RBFOX1: variants seen among roughly 807,000 people sequenced by gnomAD.
RBFOX1 encodes RNA binding fox-1 homolog 1.
RBFOX1 carries 8 observed loss-of-function variants against 57.7 expected under a neutral mutation model. The ratio of observed to expected loss-of-function variants is 0.14; its 90% CI spans 0.08 to 0.25. The LOEUF (loss-of-function observed/expected upper bound fraction) is 0.25, where lower values mean the gene tolerates loss of function less well. Ranked by LOEUF, RBFOX1 falls within the 10% of genes least tolerant of loss-of-function variation. The pLI, the probability that RBFOX1 is intolerant of heterozygous loss-of-function variation, is 1.00. For synonymous variants in RBFOX1, 326 were observed against 222.4 expected, an observed-to-expected ratio of 1.47 and a Z score of -4.15; for missense variants, 611 against 548.5, an observed-to-expected ratio of 1.11 and a Z score of -1.14.
At chr16:6,653,518 A>C (rs1432381686) in intron 2 of RBFOX1, among the ~76,000 whole-genome samples, 1 of 152,148 alleles carries the variant, frequency 6.6e-6, no homozygotes, top group Non-Finnish European at 1.5e-5. Context: ...GAGGGTAGGA[A>C]TTATGTTTGT....
At chr16:6,908,603 G>C (rs144987558) in intron 3 of RBFOX1, among the ~76,000 whole-genome samples, 1 of 152,266 alleles carries the variant, frequency 6.6e-6, no homozygotes, top group African/African-American at 2.4e-5. Context: ...CTGAACCCCC[G>C]TGATTTAGGT....
chr16:7,538,510 G>T (rs1048940660), intron 5 of RBFOX1, among the ~76,000 whole-genome samples: 1 of 152,116 alleles, frequency 6.6e-6, no homozygotes, highest in African/African-American at 2.4e-5. Flanking sequence ...AGTGCTTACT[G>T]TGTAACTGGC....
intron 5 of RBFOX1, among the ~76,000 whole-genome samples, chr16:7,548,984 C>T (rs1470414849): frequency 2.6e-5 from 4 of 152,106 alleles, no homozygotes; most frequent in African/African-American, 4.8e-5. Context: ...TCCAGGGATC[C>T]GAAGAAACAC....
At chr16:6,314,194 G>C (rs1344059861) in intron 1 of RBFOX1, among the ~76,000 whole-genome samples, 1 of 152,186 alleles carries the variant, frequency 6.6e-6, no homozygotes. Flanking sequence ...TCTTGGTGCT[G>C]TAACCCTCTG....
At chr16:7,501,985 G>C (rs1001680462) in intron 4 of RBFOX1, among the ~76,000 whole-genome samples, 2 of 152,144 alleles carry the variant, frequency 1.3e-5, no homozygotes, top group African/African-American at 4.8e-5. Context: ...TGAAACAATT[G>C]CGTGAGTATC....
At chr16:6,402,981 C>A (rs1304645587) in intron 2 of RBFOX1, among the ~76,000 whole-genome samples, 1 of 152,116 alleles carries the variant, frequency 6.6e-6, no homozygotes, top group Non-Finnish European at 1.5e-5. Flanking sequence ...CAACCCTTGG[C>A]TTCTCAGTTT....
chr16:7,549,846 G>C (rs527995642), intron 5 of RBFOX1, among the ~76,000 whole-genome samples: 1 of 152,184 alleles, frequency 6.6e-6, no homozygotes, highest in Admixed American at 6.5e-5. Flanking sequence ...ACACCCTCAC[G>C]GACACACGCA....
chr16:6,741,903 T>C (rs562703263), intron 3 of RBFOX1, among the ~76,000 whole-genome samples: 2 of 152,280 alleles, frequency 1.3e-5, no homozygotes, highest in East Asian at 1.9e-4. Flanking sequence ...ATAAGCTCAA[T>C]AGATCAATTG....
chr16:7,015,148 T>C (rs1010583109), intron 3 of RBFOX1, among the ~76,000 whole-genome samples: 1 of 152,200 alleles, frequency 6.6e-6, no homozygotes, highest in Non-Finnish European at 1.5e-5. Flanking sequence ...CTTTTTCCTT[T>C]CTTCTTAGTC....
In RBFOX1 at chr16:7,349,616, C is replaced by T. The variant is rs569789736; in HGVS notation, c.28-168531C>T. Reference sequence around the variant, plus strand: ...ACCCTCAGAATCAAAATGAGGATGGCGACATACCACATCCGCTTGAGAGGC... The same window carrying T: ...ACCCTCAGAATCAAAATGAGGATGGTGACATACCACATCCGCTTGAGAGGC... On this transcript the variant is annotated intron_variant, in intron 4 of 15. Transcript: ENST00000550418. 6.9e-4 allele frequency among the ~76,000 whole-genome samples: 105 copies of T among 152,072 alleles called. 2 individuals carry two copies. The highest frequency in any genetic ancestry group is 5.6e-3 in the Admixed American group (85 of 15,272).
chr16:7,145,331 A>T (rs932350328), intron 4 of RBFOX1, among the ~76,000 whole-genome samples: 2 of 152,094 alleles, frequency 1.3e-5, no homozygotes, highest in Admixed American at 1.3e-4. Context: ...TAGCCTCCCG[A>T]TTAGCTGGGA....
At chr16:5,860,745 A>G (rs1008814604) in intron 3 of RBFOX1, among the ~76,000 whole-genome samples, 2 of 152,276 alleles carry the variant, frequency 1.3e-5, no homozygotes, top group Admixed American at 6.5e-5. Context: ...GAGAGAGAAG[A>G]ATGAGTCATG....
chr16:5,908,344 G>A (rs1423652758), intron 4 of RBFOX1, among the ~76,000 whole-genome samples: 3 of 80,980 alleles, frequency 3.7e-5, no homozygotes, highest in African/African-American at 1.0e-4. Context: ...GTGTGTGTGT[G>A]TGTGTGTGTC....
chr16:7,231,635 C>T (rs1015680952), intron 4 of RBFOX1, among the ~76,000 whole-genome samples: 4 of 152,082 alleles, frequency 2.6e-5, no homozygotes, highest in Non-Finnish European at 5.9e-5. Flanking sequence ...GCAAAGACAA[C>T]CCAAATGCCT....
intron 4 of RBFOX1, among the ~76,000 whole-genome samples, chr16:7,377,709 T>A (rs1475679140): frequency 6.6e-6 from 1 of 152,200 alleles, no homozygotes; most frequent in Non-Finnish European, 1.5e-5. Flanking sequence ...CTATCTGGGA[T>A]CTAAGAACAA....
intron 4 of RBFOX1, among the ~76,000 whole-genome samples, chr16:7,069,844 G>T (rs7184077): frequency 0.06 from 9,065 of 152,180 alleles, 829 homozygotes; most frequent in African/African-American, 0.2. Flanking sequence ...ATTCCCCATT[G>T]ATGTTCCCTT....
chr16:7,474,141 G>A (rs535102801), intron 4 of RBFOX1, among the ~76,000 whole-genome samples: 5 of 152,224 alleles, frequency 3.3e-5, no homozygotes, highest in Admixed American at 2.0e-4. Context: ...ACAAAAATTA[G>A]CCAGGCATGG....
chr16:5,367,217 G>A (rs189558835), intron 1 of RBFOX1, among the ~76,000 whole-genome samples: 3 of 152,104 alleles, frequency 2.0e-5, no homozygotes, highest in African/African-American at 4.8e-5. Context: ...CATGTGAAGG[G>A]CATTACAAGC....
chr16:6,195,523 G>A (rs2097174230), intron 1 of RBFOX1, among the ~76,000 whole-genome samples: 1 of 152,106 alleles, frequency 6.6e-6, no homozygotes. Flanking sequence ...TTCGAGACCA[G>A]CCTGACCAAC....
Sources: gnomAD v4.1 joint callset for allele counts (sites outside exome capture counted in the v4.1 genomes callset) on GRCh38, gnomAD v4.1.1 for gene constraint, MANE v1.5 for transcripts, NCBI Gene and HGNC (gene_info 2026-07-23, HGNC 2026-07-21) for gene names.